CLPTM1: variants seen among roughly 807,000 people sequenced by gnomAD.
CLPTM1 encodes the protein CLPTM1 regulator of GABA type A receptor forward trafficking.
Under a neutral mutation model 77.3 loss-of-function variants are expected in CLPTM1, and 21 were observed. The observed-to-expected ratio is 0.27, with a 90% CI of 0.19 to 0.39. The LOEUF (loss-of-function observed/expected upper bound fraction) is 0.39. CLPTM1 is among the 10% of genes least tolerant of loss of function. The pLI is 1.00. For synonymous variants in CLPTM1, 373 were observed against 381.0 expected (o/e 0.98, Z 0.24); for missense variants, 642 against 921.2 (o/e 0.70, Z 3.92).
Position 44,991,035 on chromosome 19 carries a change from C to A in CLPTM1, c.1419+90C>A. 1 of 1,331,788 alleles carries A rather than the reference C, an allele frequency of 7.5e-7. No individual in the cohort carries two copies. Among genetic ancestry groups the A allele is most frequent in the Non-Finnish European group, 1.1e-6 (1 of 941,226 alleles). 82.5% of individuals were successfully genotyped at this position (1,331,788 alleles called of 1,614,324 possible). Reference sequence around the variant, plus strand: ...CGGGGCCGGCCATCTGTCTGCCGGACCCATGCTTTACAGCCTGTGCCACAT... The same window carrying A: ...CGGGGCCGGCCATCTGTCTGCCGGAACCATGCTTTACAGCCTGTGCCACAT... On this transcript the variant is annotated intron_variant, in intron 11 of 13. Coordinates refer to ENST00000337392, the MANE Select transcript of CLPTM1 (RefSeq NM_001294.4). The surrounding 1 kb of genome is among the most constrained non-coding windows in gnomAD (Gnocchi z 5.4).
intron 2 of CLPTM1, 28 bp downstream of exon 2, chr19:44,962,103 AC>A (rs1568641158): frequency 4.4e-6 from 6 of 1,374,448 alleles, no homozygotes; most frequent in South Asian, 1.3e-5. Context: ...GGGTTTGTTC[AC>A]CGAAAACATT....
intron 2 of CLPTM1, among the ~76,000 whole-genome samples, chr19:44,966,463 G>A (rs1424341648): frequency 6.6e-6 from 1 of 152,112 alleles, no homozygotes; most frequent in Non-Finnish European, 1.5e-5. Context: ...ACACATTTTT[G>A]TAATTGGCCC....
In CLPTM1 at chr19:44,991,241, G is replaced by A. The variant is rs764692658; in HGVS notation, c.1423G>A (p.Ala475Thr). Residue 475 changes from alanine (A) to threonine (T), a missense_variant, in exon 12 of 14, where the codon GCA becomes ACA. Ala to Thr is a moderately conservative substitution (Grantham distance 58). Around this residue, in one of 2 missense-constraint regions of CLPTM1, gnomAD observed 521 missense variants for 800.4 expected, o/e 0.65. Transcript: ENST00000337392. This position sits in a 1 kb window ranked among gnomAD's most constrained non-coding sequence, Gnocchi z 5.4. ...GCCCCACCCTGTGGCCCCACAGATG[G>A]CATTCCGGTACCTGTCCTGGATCCT... is the stretch of plus-strand genomic sequence containing the variant. ...ESSTKVYDDM[A>T]FRYLSWILFP... 1 of 1,613,922 alleles carries A rather than the reference G, an allele frequency of 6.2e-7. No homozygotes were observed. Among genetic ancestry groups the A allele is most frequent in the Non-Finnish European group, 8.5e-7 (1 of 1,179,914 alleles).
chr19:44,955,451 G>T lies in CLPTM1; in HGVS notation c.56G>T (p.Gly19Val). Residue 19 changes from glycine to valine, a missense_variant, in exon 1 of 14, where the codon GGA becomes GTA. This residue lies in a region of CLPTM1 where 121 missense variants were observed against 120.8 expected (regional missense o/e 1.00). Coordinates refer to ENST00000337392, the MANE Select transcript of CLPTM1 (RefSeq NM_001294.4). ...CGCAGCGCCGTGGTGGCGGCCGGGG[G>T]AGGCAGCTCCGGTCAGGTACGGAGG... The part of the protein sequence containing the change: ...GARSAVVAAG[G>V]GSSGQVTSNG... The T allele has an allele frequency of 7.5e-7, 1 of 1,332,736 alleles. No individual in the cohort carries two copies. Among genetic ancestry groups the T allele is most frequent in the Non-Finnish European group, 9.6e-7 (1 of 1,043,852 alleles). 82.6% of individuals were successfully genotyped at this position (1,332,736 alleles called of 1,614,324 possible).
intron 2 of CLPTM1, among the ~76,000 whole-genome samples, chr19:44,966,828 C>T (rs1970637632): frequency 6.6e-6 from 1 of 151,926 alleles, no homozygotes; most frequent in African/African-American, 2.4e-5. Flanking sequence ...CAGTAAGACC[C>T]CCATCTCTCT....
upstream of CLPTM1, chr19:44,954,982 G>A (rs1389268193): frequency 3.9e-6 from 6 of 1,535,356 alleles, no homozygotes; most frequent in Non-Finnish European, 5.2e-6. Flanking sequence ...GTTCGAAGCC[G>A]TACAGTGGCC....
At chr19:44,973,492 A>C (rs1970754618) in intron 3 of CLPTM1, among the ~76,000 whole-genome samples, 1 of 152,170 alleles carries the variant, frequency 6.6e-6, no homozygotes, top group Non-Finnish European at 1.5e-5. Flanking sequence ...ATATTTCAAA[A>C]GTATGTTCAG....
intron 1 of CLPTM1, 147 bp downstream of exon 1, chr19:44,955,614 A>G (rs753502405): frequency 4.0e-4 from 305 of 754,726 alleles, no homozygotes; most frequent in Admixed American, 1.5e-3. Context: ...GCAGGGCCGG[A>G]CCGCCCGGGA....
chr19:44,986,978 TG>T, intron 7 of CLPTM1, 200 bp from the exon 8 acceptor site: 1 of 653,834 alleles, frequency 1.5e-6, no homozygotes, highest in Non-Finnish European at 2.6e-6. Context: ...CCCCCTTCAG[TG>T]GGGACCTGCC....
At chr19:44,969,205 A>G (rs1184183666) in intron 2 of CLPTM1, among the ~76,000 whole-genome samples, 1 of 152,172 alleles carries the variant, frequency 6.6e-6, no homozygotes, top group African/African-American at 2.4e-5. Context: ...CTATATAAAC[A>G]TATATATAAT....
At position 44,960,129 on chromosome 19, in the gene CLPTM1, G is replaced by A. The variant is rs116949436; in HGVS notation, c.73-1834G>A. Among the ~76,000 whole-genome samples, 1,197 of 152,146 alleles carry A rather than the reference G, an allele frequency of 7.9e-3. 7 individuals carry two copies. Among genetic ancestry groups the A allele is most frequent in the South Asian group, 0.043 (205 of 4,816 alleles). On this transcript the variant is annotated intron_variant, in intron 1 of 13. Transcript: ENST00000337392. ...CCTGTCTGATTTCCCTTCCCCAGCC[G>A]ACCCCCGCCCCATAGATCTCCTCAT...
chr19:44,982,354 A>C (rs1417148793), intron 5 of CLPTM1, among the ~76,000 whole-genome samples: 1 of 152,134 alleles, frequency 6.6e-6, no homozygotes, highest in African/African-American at 2.4e-5. Flanking sequence ...GTCAAAAAAA[A>C]AAAAAAGGGT....
chr19:44,974,025 A>G (rs1970766437), intron 3 of CLPTM1, among the ~76,000 whole-genome samples: 2 of 151,910 alleles, frequency 1.3e-5, no homozygotes, highest in South Asian at 2.1e-4. Context: ...TGGCCTCCCA[A>G]CGTGCTGGGA....
chr19:44,986,545 A>G lies in CLPTM1; in HGVS notation c.763A>G (p.Lys255Glu). 6.2e-7 allele frequency: 1 copy of G among 1,614,002 alleles called. No individual in the cohort carries two copies. The highest frequency in any genetic ancestry group is 8.5e-7 in the Non-Finnish European group (1 of 1,179,990). ...NIVDDHTPWV[K>E]GSVPPPLDQY... ...CGTGGACGACCACACGCCGTGGGTG[A>G]AGGGCAGTGTGCCCCCTCCCCTGGA... Residue 255 changes from lysine to glutamate, a missense_variant, in exon 7 of 14, where the codon AAG becomes GAG. Around this residue, in one of 2 missense-constraint regions of CLPTM1, gnomAD observed 521 missense variants for 800.4 expected, o/e 0.65. Coordinates refer to ENST00000337392, the MANE Select transcript of CLPTM1 (RefSeq NM_001294.4).
chr19:44,956,835 G>A (rs961279626), intron 1 of CLPTM1, among the ~76,000 whole-genome samples: 1 of 152,068 alleles, frequency 6.6e-6, no homozygotes, highest in Admixed American at 6.5e-5. Flanking sequence ...TTGCCTTTAG[G>A]ACAAAGTACA....
intron 4 of CLPTM1, among the ~76,000 whole-genome samples, chr19:44,975,156 A>G (rs181797359): frequency 9.9e-5 from 15 of 152,176 alleles, no homozygotes; most frequent in East Asian, 7.7e-4. Flanking sequence ...CTCAAATCCA[A>G]CCTCCTCCAG....
intron 3 of CLPTM1, 56 bp downstream of exon 3, chr19:44,973,266 A>G: frequency 1.2e-6 from 2 of 1,610,680 alleles, no homozygotes; most frequent in Non-Finnish European, 1.7e-6. Context: ...GAGGGGTGGA[A>G]TGTGGAGGAG....
upstream of CLPTM1, chr19:44,955,134 T>C (rs1372619854): frequency 3.3e-6 from 5 of 1,535,718 alleles, no homozygotes; most frequent in South Asian, 5.9e-5. Context: ...GGGAGGCACA[T>C]GCTGGCCGAG....
intron 9 of CLPTM1, among the ~76,000 whole-genome samples, chr19:44,989,826 A>C (rs1971041243): frequency 6.6e-6 from 1 of 152,144 alleles, no homozygotes; most frequent in Non-Finnish European, 1.5e-5. Flanking sequence ...CCTTGGCAGC[A>C]TCTAGGCGGA....
Sources: gnomAD v4.1 joint callset for allele counts (sites outside exome capture counted in the v4.1 genomes callset) on GRCh38, gnomAD v4.1.1 for gene constraint, gnomAD v4.1.1 regional missense constraint, Gnocchi (gnomAD v3.1) non-coding constraint, MANE v1.5 for transcripts, NCBI Gene and HGNC (gene_info 2026-07-23, HGNC 2026-07-21) for gene names.